SELENOF: variants seen among roughly 807,000 people sequenced by gnomAD.
SELENOF encodes the protein 15 kDa selenoprotein.
In SELENOF, 16 loss-of-function variants were observed where a neutral mutation model predicts 20.5. That is an observed-to-expected ratio of 0.78 (90% CI 0.53 to 1.19). The LOEUF is 1.19. Ranked by LOEUF, SELENOF falls within the 50% of genes most tolerant of loss-of-function variation. The pLI is 0.00. For synonymous variants in SELENOF, 78 were observed against 74.5 expected (o/e 1.05, Z -0.24); for missense variants, 215 against 194.2 (o/e 1.11, Z -0.64).
Position 86,903,330 on chromosome 1 carries a change from G to A in SELENOF, c.203C>T (p.Pro68Leu), listed in dbSNP as rs773871233. ...LGQFNLLQLD[P>L]DCRGCCQEEA... is the part of the protein sequence containing the mutation. ...CTCCTGACAGCATCCTCTGCAATCA[G>A]GATCCAGCTGAAGCAGGTTGAACTG... is the stretch of plus-strand genomic sequence containing the variant. The change falls in exon 2 of 5, where the codon CCT (proline) becomes CTT (leucine). Residue 68 changes from proline (P) to leucine (L), a missense_variant. Pro to Leu is a moderately conservative substitution (Grantham distance 98). Coordinates refer to ENST00000331835, the MANE Select transcript of SELENOF (RefSeq NM_004261.5). The A allele has an allele frequency of 3.1e-6, 5 of 1,612,074 alleles. No homozygotes were observed. The highest frequency in any genetic ancestry group is 4.2e-6 in the Non-Finnish European group (5 of 1,179,084).
intron 1 of SELENOF, among the ~76,000 whole-genome samples, chr1:86,912,867 G>T (rs1228351199): frequency 6.6e-6 from 1 of 151,872 alleles, no homozygotes; most frequent in African/African-American, 2.4e-5. Flanking sequence ...GTTTTAGGGC[G>T]GTTACACAGC....
At chr1:86,866,228 CTCTGTGTGTGTGTGTG>C (rs1658590581) in intron 4 of SELENOF, among the ~76,000 whole-genome samples, 1 of 52,394 alleles carries the variant, frequency 1.9e-5, no homozygotes, top group South Asian at 6.9e-4. Context: ...AAGTGTGTGT[CTCTGTGTGTGTGTGTG>C]TGTGTGTGTG....
chr1:86,892,134 A>C (rs1353026308), intron 2 of SELENOF, among the ~76,000 whole-genome samples: 2 of 151,634 alleles, frequency 1.3e-5, no homozygotes, highest in Non-Finnish European at 1.5e-5. Flanking sequence ...GGGTTTCACC[A>C]TGTTAGCCAG....
At chr1:86,897,510 T>C (rs1659555716) in intron 2 of SELENOF, among the ~76,000 whole-genome samples, 1 of 152,138 alleles carries the variant, frequency 6.6e-6, no homozygotes, top group Admixed American at 6.5e-5. Context: ...TCATCTAAAG[T>C]AGAAGTGGTT....
intron 2 of SELENOF, among the ~76,000 whole-genome samples, chr1:86,884,368 C>T (rs112191998): frequency 1.3e-5 from 2 of 149,542 alleles, no homozygotes; most frequent in Admixed American, 1.3e-4. Flanking sequence ...CACACACACA[C>T]ACACACACAT....
Position 86,863,545 on chromosome 1 carries a change from C to G in SELENOF, c.427G>C (p.Glu143Gln). The G allele has an allele frequency of 6.2e-7, 1 of 1,613,532 alleles. No individual in the cohort carries two copies. Among genetic ancestry groups the G allele is most frequent in the Non-Finnish European group, 8.5e-7 (1 of 1,179,510 alleles). Reference sequence around the variant, plus strand: ...GTGTTCCATTTGAGAATGCTCAGTTCTTCAGCAATGTTCCCATTGTCGTCC... The same window carrying G: ...GTGTTCCATTTGAGAATGCTCAGTTGTTCAGCAATGTTCCCATTGTCGTCC... ...LLDDNGNIAEELSILKWNTDS... is the reference protein window; with the variant it reads ...LLDDNGNIAEQLSILKWNTDS... The change falls in exon 5 of 5, where the codon GAA (glutamate) becomes CAA (glutamine). Residue 143 changes from glutamate (E) to glutamine (Q), a missense_variant. Physicochemically the swap from Glu to Gln is conservative, Grantham distance 29. Transcript: ENST00000331835.
intron 1 of SELENOF, among the ~76,000 whole-genome samples, chr1:86,907,853 G>A (rs1393742769): frequency 6.6e-6 from 1 of 152,004 alleles, no homozygotes; most frequent in Non-Finnish European, 1.5e-5. Flanking sequence ...TGGGGTGGTG[G>A]CGCACACCTG....
Position 86,868,074 on chromosome 1 carries a change from C to T in SELENOF, c.345G>A (p.Leu115=), listed in dbSNP as rs1379754425. 1 of 1,536,086 alleles carries T rather than the reference C, an allele frequency of 6.5e-7. No homozygotes were observed. Among genetic ancestry groups the T allele is most frequent in the Non-Finnish European group, 8.8e-7 (1 of 1,131,208 alleles). Residue 115 remains leucine (L), a synonymous_variant, in exon 4 of 5, where the codon CTG becomes CTA. Transcript: ENST00000331835. ...QAFVRSDKPK[L]FRGLQIKYVR... ...TTACCTTGATTTGCAGTCCTCTGAA[C>T]AGTTTGGGTTTATCACTCCTAACAA...
At chr1:86,889,472 T>C (rs1659321498) in intron 2 of SELENOF, among the ~76,000 whole-genome samples, 1 of 152,050 alleles carries the variant, frequency 6.6e-6, no homozygotes, top group Admixed American at 6.6e-5. Flanking sequence ...CACATGCCTG[T>C]AATCCCAGCC....
At chr1:86,873,889 G>A (rs1386843409) in intron 3 of SELENOF, among the ~76,000 whole-genome samples, 1 of 151,244 alleles carries the variant, frequency 6.6e-6, no homozygotes, top group Non-Finnish European at 1.5e-5. Flanking sequence ...AAACAGCCAT[G>A]TTTGGCTAGT....
chr1:86,876,469 G>C (rs1188815821), intron 3 of SELENOF, among the ~76,000 whole-genome samples: 1 of 152,118 alleles, frequency 6.6e-6, no homozygotes, highest in Non-Finnish European at 1.5e-5. Context: ...CAAATTTATA[G>C]AATTGTACTC....
chr1:86,866,195 CAA>C (rs762072945), intron 4 of SELENOF, among the ~76,000 whole-genome samples: 3 of 27,656 alleles, frequency 1.1e-4, no homozygotes, highest in African/African-American at 2.3e-4. Flanking sequence ...AGACCATGTC[CAA>C]AAAAAAAAAA....
At position 86,878,679 on chromosome 1, in the gene SELENOF, C is replaced by CA. The variant is rs537434993; in HGVS notation, c.316+1982dup. 2.6e-4 allele frequency among the ~76,000 whole-genome samples: 38 copies of CA among 147,668 alleles called. No homozygotes were observed. In the South Asian group the frequency reaches 5.8e-3, roughly 23 times the overall value. On this transcript the variant is annotated intron_variant, in intron 3 of 4. Transcript: ENST00000331835. Reference sequence around the variant, plus strand: ...TGTGGGCGACAGTGAGACTCTGTCTCAAAAAAAAAGAGAGAAAAGAATATG... The same window carrying CA: ...TGTGGGCGACAGTGAGACTCTGTCTCAAAAAAAAAAGAGAGAAAAGAATATG...
At chr1:86,863,652 C>T in intron 4 of SELENOF, 47 bp from the exon 5 acceptor site, 10 of 1,587,350 alleles carry the variant, frequency 6.3e-6, no homozygotes, top group Non-Finnish European at 8.6e-6. Flanking sequence ...CAGAAACAAC[C>T]TTCTCAGCCT....
At chr1:86,881,815 C>T (rs935040936) in intron 2 of SELENOF, among the ~76,000 whole-genome samples, 1 of 152,126 alleles carries the variant, frequency 6.6e-6, no homozygotes, top group African/African-American at 2.4e-5. Context: ...GTCACTGACC[C>T]TTCTGAGAAT....
rs1332557262 is a variant in SELENOF, at chr1:86,914,102, T to A, written c.10A>T (p.Met4Leu). 1.2e-6 allele frequency: 2 copies of A among 1,613,940 alleles called. No individual in the cohort carries two copies. Among genetic ancestry groups the A allele is most frequent in the South Asian group, 2.2e-5 (2 of 91,078 alleles). The change falls in exon 1 of 5, where the codon ATG (methionine) becomes TTG (leucine). Residue 4 changes from methionine to leucine, a missense_variant. Met to Leu is a conservative substitution (Grantham distance 15). Coordinates refer to ENST00000331835, the MANE Select transcript of SELENOF (RefSeq NM_004261.5). ...AGACACCCACTCGGCCCAGCCGCCA[T>A]CGCTACCATTTTCCGCAGGTTTCTG... is the stretch of plus-strand genomic sequence containing the variant. Reference protein sequence around the residue: MVAMAAGPSGCLVP... With the variant: MVALAAGPSGCLVP...
Position 86,874,248 on chromosome 1 carries a change from C to T in SELENOF, c.317-6146G>A, listed in dbSNP as rs1287210332. 2.0e-5 allele frequency among the ~76,000 whole-genome samples: 3 copies of T among 151,896 alleles called. 1 individual carries two copies. Among genetic ancestry groups the T allele is most frequent in the Non-Finnish European group, 4.4e-5 (3 of 67,954 alleles). ...CCTCCCAAAGTGGTGGGAATACAGG[C>T]GTAAGCCACCTTGCCCAGCCACCAA... On this transcript the variant is annotated intron_variant, in intron 3 of 4. Coordinates refer to ENST00000331835, the MANE Select transcript of SELENOF (RefSeq NM_004261.5).
intron 2 of SELENOF, among the ~76,000 whole-genome samples, chr1:86,882,962 C>T (rs1363160558): frequency 6.6e-6 from 1 of 151,948 alleles, no homozygotes; most frequent in African/African-American, 2.4e-5. Flanking sequence ...CCTGTCTCTA[C>T]TAAAAAATAC....
At chr1:86,873,544 A>G (rs776458015) in intron 3 of SELENOF, among the ~76,000 whole-genome samples, 15 of 152,152 alleles carry the variant, frequency 9.9e-5, no homozygotes, top group Non-Finnish European at 2.2e-4. Flanking sequence ...CTGAATGTTT[A>G]GTTTTATATA....
Sources: allele counts gnomAD v4.1 joint callset (sites outside exome capture counted in the v4.1 genomes callset), GRCh38; gene constraint gnomAD v4.1.1; transcripts MANE v1.5; gene names NCBI Gene and HGNC (gene_info 2026-07-23, HGNC 2026-07-21).